Variants in DCHS2 observed in about 807,000 individuals in gnomAD.
DCHS2 encodes the protein protocadherin-23.
DCHS2 carries 142 observed loss-of-function variants against 182.4 expected under a neutral mutation model. That is an observed-to-expected ratio of 0.78 (90% CI 0.68 to 0.89). DCHS2 has a LOEUF of 0.89. Among genes scored for constraint, DCHS2 ranks in the 40% least tolerant of loss-of-function variants. The probability of loss-of-function intolerance (pLI) is 0.00; values close to 1 mark genes in which losing one functional copy is unlikely to be tolerated. For synonymous variants in DCHS2, 1,740 were observed against 1,663.3 expected, an observed-to-expected ratio of 1.05 and a Z score of -1.12; for missense variants, 4,319 against 4,198.6, an observed-to-expected ratio of 1.03 and a Z score of -0.79.
At chr4:154,434,311 C>A (rs991681333) in intron 1 of DCHS2, among the ~76,000 whole-genome samples, 2 of 152,084 alleles carry the variant, frequency 1.3e-5, no homozygotes, top group Non-Finnish European at 2.9e-5. Flanking sequence ...AGCCCCAGCT[C>A]CTTGCGGGGC....
At chr4:154,358,092 T>A (rs1729955887) in intron 3 of DCHS2, among the ~76,000 whole-genome samples, 1 of 152,146 alleles carries the variant, frequency 6.6e-6, no homozygotes, top group South Asian at 2.1e-4. Context: ...ACAAGGTGGA[T>A]CTCCTTTGTA....
intron 17 of DCHS2, among the ~76,000 whole-genome samples, chr4:154,241,067 A>T (rs1731802427): frequency 6.6e-6 from 1 of 152,118 alleles, no homozygotes; most frequent in African/African-American, 2.4e-5. Context: ...CAATTTTTAT[A>T]TTACATTATT....
chr4:154,390,499 C>G (rs1731648749), intron 1 of DCHS2, among the ~76,000 whole-genome samples: 1 of 151,734 alleles, frequency 6.6e-6, no homozygotes, highest in Non-Finnish European at 1.5e-5. Flanking sequence ...ATCACTAAGT[C>G]ATTCACACAC....
At chr4:154,464,568 G>T (rs923214711) in intron 1 of DCHS2, among the ~76,000 whole-genome samples, 2 of 152,176 alleles carry the variant, frequency 1.3e-5, no homozygotes, top group Admixed American at 6.5e-5. Context: ...TAGAAAAATT[G>T]GACAAAATAT....
intron 1 of DCHS2, among the ~76,000 whole-genome samples, chr4:154,398,033 CAAT>C (rs1223025234): frequency 6.6e-6 from 1 of 152,062 alleles, no homozygotes; most frequent in Non-Finnish European, 1.5e-5. Flanking sequence ...GAAAAGGAGA[CAAT>C]AATGGGCATG....
chr4:154,482,874 C>G (rs990810456), intron 1 of DCHS2, among the ~76,000 whole-genome samples: 15 of 152,188 alleles, frequency 9.9e-5, no homozygotes, highest in African/African-American at 3.6e-4. Context: ...AGCTACTAGC[C>G]TCTACTGAGT....
At chr4:154,375,239 C>T (rs1465177888) in intron 2 of DCHS2, among the ~76,000 whole-genome samples, 1 of 151,984 alleles carries the variant, frequency 6.6e-6, no homozygotes, top group African/African-American at 2.4e-5. Flanking sequence ...AATAAGAGAA[C>T]ATCTTCATAT....
At chr4:154,335,523 C>T (rs1016359985) in intron 3 of DCHS2, among the ~76,000 whole-genome samples, 7 of 152,196 alleles carry the variant, frequency 4.6e-5, no homozygotes, top group African/African-American at 1.4e-4. Context: ...ACGACTGGCT[C>T]TCCTGGTTCT....
intron 1 of DCHS2, among the ~76,000 whole-genome samples, chr4:154,480,729 T>C (rs911021798): frequency 5.9e-5 from 9 of 152,254 alleles, no homozygotes; most frequent in Non-Finnish European, 1.3e-4. Context: ...GCTGTCAATA[T>C]ATCTAGTACA....
At chr4:154,410,230 G>T (rs1732569231) in intron 1 of DCHS2, among the ~76,000 whole-genome samples, 1 of 151,688 alleles carries the variant, frequency 6.6e-6, no homozygotes, top group Non-Finnish European at 1.5e-5. Context: ...AGGAAACTCA[G>T]CAACATACAA....
At chr4:154,323,411 C>A in intron 7 of DCHS2, 1 of 1,521,146 alleles carries the variant, frequency 6.6e-7, no homozygotes, top group Admixed American at 2.1e-5. Flanking sequence ...CTCACTGCAG[C>A]CTGGAGTTCA....
At position 154,240,649 on chromosome 4, in the gene DCHS2, T is replaced by C. The variant is rs893324927; in HGVS notation, c.7247A>G (p.Tyr2416Cys). 2.5e-6 allele frequency: 4 copies of C among 1,613,858 alleles called. No homozygotes were observed. The highest frequency in any genetic ancestry group is 2.2e-5 in the South Asian group (2 of 91,086). Residue 2416 changes from tyrosine to cysteine, a missense_variant, in exon 18 of 20, where the codon TAT becomes TGT. Tyr to Cys is a radical substitution (Grantham distance 194). Coordinates refer to ENST00000357232, the MANE Select transcript of DCHS2 (RefSeq NM_001358235.2). The stretch of plus-strand genomic sequence containing the variant: ...ATCAGAAATTTGGATGAGCAGCTCA[T>C]ATTCAGTCATTTCTTCAAAATCCAA... ...KTLDFEEMTEYELLIQISDSV... is the reference protein window; with the variant it reads ...KTLDFEEMTECELLIQISDSV...
chr4:154,323,334 CAAAA>C (rs145036588), intron 7 of DCHS2: 141 of 1,439,818 alleles, frequency 9.8e-5, no homozygotes, highest in South Asian at 4.0e-4. Context: ...GTCTAGCTGC[CAAAA>C]AAAAAAAAAA....
intron 1 of DCHS2, among the ~76,000 whole-genome samples, chr4:154,471,039 G>A: frequency 6.6e-6 from 1 of 152,182 alleles, no homozygotes; most frequent in Non-Finnish European, 1.5e-5. Context: ...GCCCTTCACG[G>A]TGGATGAAGA....
At chr4:154,369,487 A>G (rs573315326) in intron 2 of DCHS2, among the ~76,000 whole-genome samples, 2 of 152,302 alleles carry the variant, frequency 1.3e-5, no homozygotes, top group East Asian at 1.9e-4. Flanking sequence ...GCACTTCCCA[A>G]TGCTGTGTAG....
chr4:154,389,128 C>T (rs1259011778), intron 1 of DCHS2, among the ~76,000 whole-genome samples: 1 of 152,186 alleles, frequency 6.6e-6, no homozygotes, highest in African/African-American at 2.4e-5. Context: ...AAATGAATGG[C>T]TGTGTTCCAG....
chr4:154,297,709 T>C, intron 13 of DCHS2, 142 bp downstream of exon 13: 1 of 1,350,926 alleles, frequency 7.4e-7, no homozygotes, highest in Non-Finnish European at 9.9e-7. Context: ...CACTTAACCA[T>C]GTTTATTCCA....
intron 1 of DCHS2, among the ~76,000 whole-genome samples, chr4:154,414,932 G>A (rs1175741624): frequency 6.6e-6 from 1 of 152,166 alleles, no homozygotes; most frequent in Non-Finnish European, 1.5e-5. Context: ...ATTCAACAGT[G>A]GAAGTACTTG....
chr4:154,282,397 A>G (rs1354443978), intron 13 of DCHS2, among the ~76,000 whole-genome samples: 1 of 152,092 alleles, frequency 6.6e-6, no homozygotes, highest in Non-Finnish European at 1.5e-5. Flanking sequence ...TTCTCCAAAG[A>G]CGATATCCAA....
Sources: gnomAD v4.1 joint callset for allele counts (sites outside exome capture counted in the v4.1 genomes callset) on GRCh38, gnomAD v4.1.1 for gene constraint, MANE v1.5 for transcripts, NCBI Gene and HGNC (gene_info 2026-07-23, HGNC 2026-07-21) for gene names.